FOXP1: variants seen among roughly 807,000 people sequenced by gnomAD.
The protein encoded by FOXP1 is forkhead box P1, also known as forkhead box protein P1.
FOXP1 carries 15 observed loss-of-function variants against 98.2 expected under a neutral mutation model. The ratio of observed to expected loss-of-function variants is 0.15; its 90% CI spans 0.10 to 0.24. The LOEUF is 0.24. Ranked by LOEUF, FOXP1 falls within the 10% of genes least tolerant of loss-of-function variation. The pLI, the probability that FOXP1 is intolerant of heterozygous loss-of-function variation, is 1.00. For synonymous variants in FOXP1, 371 were observed against 314.5 expected (o/e 1.18, Z -1.90); for missense variants, 633 against 848.5 (o/e 0.75, Z 3.15).
intron 7 of FOXP1, among the ~76,000 whole-genome samples, chr3:71,108,024 G>T (rs2057586295): frequency 6.6e-6 from 1 of 152,126 alleles, no homozygotes; most frequent in East Asian, 1.9e-4. Flanking sequence ...TGAGTAAGGG[G>T]CTCACACATG....
chr3:70,986,288 C>G (rs1012611996), intron 14 of FOXP1, among the ~76,000 whole-genome samples: 1 of 152,204 alleles, frequency 6.6e-6, no homozygotes, highest in Non-Finnish European at 1.5e-5. Context: ...AGCCCGGTCA[C>G]TCGCCAAGCG....
chr3:71,522,195 C>G (rs1297538592), intron 2 of FOXP1, among the ~76,000 whole-genome samples: 1 of 152,142 alleles, frequency 6.6e-6, no homozygotes, highest in African/African-American at 2.4e-5. Flanking sequence ...GGGCAGCTGC[C>G]CAATGACAGA....
At chr3:71,158,002 C>T (rs992152686) in intron 6 of FOXP1, among the ~76,000 whole-genome samples, 5 of 150,914 alleles carry the variant, frequency 3.3e-5, no homozygotes, top group East Asian at 2.0e-4. Context: ...GCGGGAGGAT[C>T]GCTTGAGCTT....
At chr3:71,422,171 G>A (rs1368683150) in intron 3 of FOXP1, among the ~76,000 whole-genome samples, 2 of 152,156 alleles carry the variant, frequency 1.3e-5, no homozygotes, top group African/African-American at 4.8e-5. Flanking sequence ...ACAAGTCAAG[G>A]ACAACACGTA....
intron 5 of FOXP1, among the ~76,000 whole-genome samples, chr3:71,266,327 G>A (rs2069655495): frequency 6.6e-6 from 1 of 151,996 alleles, no homozygotes; most frequent in Admixed American, 6.6e-5. Context: ...TCAGCTCACT[G>A]CAACCTCTGC....
At chr3:71,377,106 A>G (rs1024447618) in intron 3 of FOXP1, among the ~76,000 whole-genome samples, 2 of 152,196 alleles carry the variant, frequency 1.3e-5, no homozygotes, top group African/African-American at 2.4e-5. Flanking sequence ...CCTTGGTTTA[A>G]GCAAATTTAA....
At chr3:71,165,380 G>T (rs899568168) in intron 6 of FOXP1, among the ~76,000 whole-genome samples, 4 of 151,986 alleles carry the variant, frequency 2.6e-5, no homozygotes, top group Non-Finnish European at 5.9e-5. Flanking sequence ...AAAAAATTAA[G>T]GAGACCAATT....
At chr3:71,409,402 G>T (rs1427895821) in intron 3 of FOXP1, among the ~76,000 whole-genome samples, 1 of 152,120 alleles carries the variant, frequency 6.6e-6, no homozygotes, top group Non-Finnish European at 1.5e-5. Flanking sequence ...CCAGCACTGA[G>T]ATATTTACTG....
At chr3:70,978,123 G>T in intron 14 of FOXP1, 94 bp from the exon 15 acceptor site, 2 of 996,568 alleles carry the variant, frequency 2.0e-6, no homozygotes, top group Non-Finnish European at 3.2e-6. Flanking sequence ...GGATGCGTGG[G>T]CACCGTTTCT....
At chr3:71,093,407 A>G (rs2056112155) in intron 7 of FOXP1, among the ~76,000 whole-genome samples, 1 of 149,452 alleles carries the variant, frequency 6.7e-6, no homozygotes, top group Non-Finnish European at 1.5e-5. Flanking sequence ...GGCTATTTAA[A>G]TTTAAATTTA....
At chr3:71,510,948 G>T (rs1270534083) in intron 2 of FOXP1, among the ~76,000 whole-genome samples, 1 of 152,090 alleles carries the variant, frequency 6.6e-6, no homozygotes. Flanking sequence ...TAAATTTAAA[G>T]AAACAACTAT....
intron 2 of FOXP1, among the ~76,000 whole-genome samples, chr3:71,566,978 A>G (rs1212054482): frequency 6.6e-6 from 1 of 152,062 alleles, no homozygotes; most frequent in Non-Finnish European, 1.5e-5. Context: ...ACTCCCTCCC[A>G]ACATTCACAG....
intron 2 of FOXP1, among the ~76,000 whole-genome samples, chr3:71,532,057 T>C (rs1211669096): frequency 6.6e-6 from 1 of 152,212 alleles, no homozygotes; most frequent in Admixed American, 6.5e-5. Flanking sequence ...TTCTTTTTTA[T>C]CTCTCTTGCA....
chr3:71,478,245 C>T (rs188476454), intron 3 of FOXP1, among the ~76,000 whole-genome samples: 3 of 152,168 alleles, frequency 2.0e-5, no homozygotes, highest in Non-Finnish European at 2.9e-5. Flanking sequence ...CTTCAGCCCC[C>T]TACATAAGCC....
At chr3:71,173,386 C>CAA (rs1491574653) in intron 6 of FOXP1, among the ~76,000 whole-genome samples, 1 of 49,624 alleles carries the variant, frequency 2.0e-5, no homozygotes, top group East Asian at 5.1e-4. Flanking sequence ...AAAAAATTCA[C>CAA]ACACACACAC....
chr3:71,231,718 A>T (rs944953187), intron 5 of FOXP1, among the ~76,000 whole-genome samples: 2 of 152,272 alleles, frequency 1.3e-5, no homozygotes, highest in African/African-American at 4.8e-5. Flanking sequence ...ATGAGTGAAT[A>T]GAAAAAGCCT....
intron 3 of FOXP1, among the ~76,000 whole-genome samples, chr3:71,383,613 T>C (rs2080343492): frequency 6.6e-6 from 1 of 152,126 alleles, no homozygotes; most frequent in Non-Finnish European, 1.5e-5. Flanking sequence ...GCTACATTTA[T>C]GGGAGAGAGA....
intron 7 of FOXP1, among the ~76,000 whole-genome samples, chr3:71,081,403 C>T (rs1001227708): frequency 2.6e-5 from 4 of 152,220 alleles, no homozygotes; most frequent in South Asian, 4.2e-4. Flanking sequence ...TAATCCCACC[C>T]CCTCACTCCA....
chr3:70,972,487 A>AAGCCTCTACGTTATACTTGTTAGC (rs2036473899), intron 18 of FOXP1, 68 bp downstream of exon 18: 2 of 1,605,042 alleles, frequency 1.2e-6, no homozygotes, highest in African/African-American at 2.7e-5. Flanking sequence ...CTAGCAGCCA[A>AAGCCTCTACGTTATACTTGTTAGC]AGCCTCTACG....
Sources: gnomAD v4.1 joint callset for allele counts (sites outside exome capture counted in the v4.1 genomes callset) on GRCh38, gnomAD v4.1.1 for gene constraint, MANE v1.5 for transcripts, NCBI Gene and HGNC (gene_info 2026-07-23, HGNC 2026-07-21) for gene names.